Variants in OR4M1 observed in about 807,000 individuals in gnomAD.
The protein encoded by OR4M1 is olfactory receptor family 4 subfamily M member 1.
Under a neutral mutation model 9.8 loss-of-function variants are expected in OR4M1, and 7 were observed. The observed-to-expected ratio is 0.71, with a 90% CI of 0.41 to 1.34. The LOEUF is 1.34. Among genes scored for constraint, OR4M1 ranks in the 40% most tolerant of loss-of-function variants. The pLI is 0.01. For missense variants in OR4M1, 331 were observed against 380.4 expected (o/e 0.87, Z 1.08); for synonymous variants, 121 against 139.8 (o/e 0.87, Z 0.95).
At position 19,781,715 on chromosome 14, in the gene OR4M1, A is replaced by G. The variant is rs758229541; in HGVS notation, c.*451A>G. The G allele has an allele frequency of 6.0e-6, 1 of 167,884 alleles. No homozygotes were observed. The highest frequency in any genetic ancestry group is 1.3e-5 in the Non-Finnish European group (1 of 78,032). 10.4% of individuals were successfully genotyped at this position (167,884 alleles called of 1,614,324 possible). Reference sequence around the variant, plus strand: ...TTCAGTGTTGGCTCAGTGGAATGGTATCTGGTAAACATCTTGCTGGGTCTG... The same window carrying G: ...TTCAGTGTTGGCTCAGTGGAATGGTGTCTGGTAAACATCTTGCTGGGTCTG... On this transcript the variant is annotated 3_prime_UTR_variant, in exon 2 of 2. Coordinates refer to ENST00000641200, the MANE Select transcript of OR4M1 (RefSeq NM_001005500.2).
At position 19,780,847 on chromosome 14, in the gene OR4M1, C is replaced by CA. The variant is rs1878467541; in HGVS notation, c.526dup (p.Ser176LysfsTer5). On this transcript the variant is annotated frameshift_variant, in exon 2 of 2. Coordinates refer to ENST00000641200, the MANE Select transcript of OR4M1 (RefSeq NM_001005500.2). LOFTEE classifies it low-confidence loss of function (END_TRUNC). The stretch of plus-strand genomic sequence containing the variant: ...CTTTCTGTGGGCCCAATGAGTTAGA[C>CA]AGTTACTTCTGTGACATCACACAGG... 1 of 1,614,106 alleles carries CA rather than the reference C, an allele frequency of 6.2e-7. No individual in the cohort carries two copies. The highest frequency in any genetic ancestry group is 1.7e-5 in the Admixed American group (1 of 60,008).
In OR4M1 at chr14:19,781,421, T is replaced by C. The variant is rs1442094616; in HGVS notation, c.*157T>C. On this transcript the variant is annotated 3_prime_UTR_variant, in exon 2 of 2. Coordinates refer to ENST00000641200, the MANE Select transcript of OR4M1 (RefSeq NM_001005500.2). ...TTAATTCCTCTTTATATTGAAAAAA[T>C]AGAGGCATTAAGATGAAAATAAATT... The C allele has an allele frequency of 6.9e-6, 5 of 723,518 alleles. No individual in the cohort carries two copies. The highest frequency in any genetic ancestry group is 5.4e-5 in the African/African-American group (3 of 55,326). 44.8% of individuals were successfully genotyped at this position (723,518 alleles called of 1,614,324 possible).
intron 1 of OR4M1, among the ~76,000 whole-genome samples, chr14:19,776,645 G>C (rs549689880): frequency 3.2e-4 from 49 of 152,258 alleles, no homozygotes; most frequent in Middle Eastern, 3.4e-3. Flanking sequence ...AATGCCCTAA[G>C]TCAATCTTCA....
chr14:19,776,668 C>T (rs1389447610), intron 1 of OR4M1, among the ~76,000 whole-genome samples: 4 of 152,272 alleles, frequency 2.6e-5, no homozygotes, highest in South Asian at 4.1e-4. Flanking sequence ...AGTGGCTTAT[C>T]TCCCCCAAGA....
At chr14:19,776,340 C>T (rs1388195190) in intron 1 of OR4M1, among the ~76,000 whole-genome samples, 34 of 152,186 alleles carry the variant, frequency 2.2e-4, no homozygotes, top group Non-Finnish European at 2.2e-4. Context: ...CACGCAGATT[C>T]TTGTTTTCCC....
chr14:19,776,654 C>T (rs1308525946), intron 1 of OR4M1, among the ~76,000 whole-genome samples: 1 of 152,176 alleles, frequency 6.6e-6, no homozygotes, highest in Non-Finnish European at 1.5e-5. Context: ...AGTCAATCTT[C>T]ATGAGTGGCT....
At chr14:19,779,716 C>T (rs1286995794) in intron 1 of OR4M1, among the ~76,000 whole-genome samples, 5 of 152,226 alleles carry the variant, frequency 3.3e-5, no homozygotes, top group Admixed American at 2.6e-4. Context: ...TATGTTGTGG[C>T]TGGTTACCTG....
chr14:19,783,585 C>T lies in OR4M1; in HGVS notation c.*2321C>T, dbSNP rs537203645. On this transcript the variant is annotated 3_prime_UTR_variant, in exon 2 of 2. Coordinates refer to ENST00000641200, the MANE Select transcript of OR4M1 (RefSeq NM_001005500.2). ...GCTCAGTATCCTCAGCAATCACATA[C>T]AAAATATGCCTCAGGACTCCTTTTC... is the stretch of plus-strand genomic sequence containing the variant. The T allele has an allele frequency of 1.7e-4, 25 of 150,492 alleles. No individual in the cohort carries two copies. The highest frequency in any genetic ancestry group is 6.0e-4 in the African/African-American group (24 of 39,734). The allele number at this position is 150,492 out of a possible 1,614,324, so 9.3% of individuals were successfully genotyped here.
chr14:19,777,007 C>CATATAT (rs71431978), intron 1 of OR4M1, among the ~76,000 whole-genome samples: 1,329 of 45,324 alleles, frequency 0.029, 12 homozygotes, highest in Non-Finnish European at 0.035. Flanking sequence ...TTGTTTAAGC[C>CATATAT]ATATATATAT....
Position 19,782,692 on chromosome 14 carries a change from T to G in OR4M1, c.*1428T>G, listed in dbSNP as rs976193051. ...GGAATTTTTCCTTATGGTGACCTTC[T>G]TCGATCTTCAATGCTACGTTACTTC... On this transcript the variant is annotated 3_prime_UTR_variant, in exon 2 of 2. Coordinates refer to ENST00000641200, the MANE Select transcript of OR4M1 (RefSeq NM_001005500.2). 2 of 152,238 alleles carry G rather than the reference T, an allele frequency of 1.3e-5. No homozygotes were observed. Among genetic ancestry groups the G allele is most frequent in the African/African-American group, 4.8e-5 (2 of 41,470 alleles). The allele number at this position is 152,238 out of a possible 1,614,324, so 9.4% of individuals were successfully genotyped here.
In OR4M1 at chr14:19,783,359, A is replaced by T. The variant is rs1878560227; in HGVS notation, c.*2095A>T. 6.6e-6 allele frequency: 1 copy of T among 152,470 alleles called. No individual in the cohort carries two copies. Among genetic ancestry groups the T allele is most frequent in the South Asian group, 2.1e-4 (1 of 4,836 alleles). 9.4% of individuals were successfully genotyped at this position (152,470 alleles called of 1,614,324 possible). On this transcript the variant is annotated 3_prime_UTR_variant, in exon 2 of 2. Coordinates refer to ENST00000641200, the MANE Select transcript of OR4M1 (RefSeq NM_001005500.2). ...GCATCTTGTACTATTTAGACATCTT[A>T]CAATGCACAGGACAGCCCCCAGCCC...
intron 1 of OR4M1, among the ~76,000 whole-genome samples, chr14:19,776,326 A>G (rs547209194): frequency 2.0e-5 from 3 of 152,350 alleles, no homozygotes; most frequent in Admixed American, 6.5e-5. Flanking sequence ...CATGACCTCA[A>G]CATCACGCAG....
In OR4M1 at chr14:19,780,804, C is replaced by T. The variant is rs1468933884; in HGVS notation, c.482C>T (p.Ala161Val). ...GGFIHSIIQV[A>V]LIVRLPFCGP... is the part of the protein sequence containing the mutation. ...TTCATTCATTCTATAATACAGGTGG[C>T]TCTCATTGTTCGACTTCCTTTCTGT... The change falls in exon 2 of 2, where the codon GCT (alanine) becomes GTT (valine). Residue 161 changes from alanine (A) to valine (V), a missense_variant. Ala to Val is a moderately conservative substitution (Grantham distance 64). Around this residue, in one of 2 missense-constraint regions of OR4M1, gnomAD observed 209 missense variants for 200.0 expected, o/e 1.04. Coordinates refer to ENST00000641200, the MANE Select transcript of OR4M1 (RefSeq NM_001005500.2). The T allele has an allele frequency of 9.9e-6, 16 of 1,614,106 alleles. No individual in the cohort carries two copies. Among genetic ancestry groups the T allele is most frequent in the Non-Finnish European group, 1.3e-5 (15 of 1,180,046 alleles).
At chr14:19,775,822 A>G (rs1220086641) in intron 1 of OR4M1, among the ~76,000 whole-genome samples, 1 of 146,168 alleles carries the variant, frequency 6.8e-6, no homozygotes, top group East Asian at 1.9e-4. Flanking sequence ...ATAATAATAA[A>G]GTATATTAAA....
At chr14:19,777,187 A>G (rs1387528505) in intron 1 of OR4M1, among the ~76,000 whole-genome samples, 4 of 151,468 alleles carry the variant, frequency 2.6e-5, no homozygotes, top group African/African-American at 9.7e-5. Flanking sequence ...AAAATTGGAA[A>G]TCCAATTTTA....
chr14:19,774,868 T>C (rs548502485), intron 1 of OR4M1, among the ~76,000 whole-genome samples: 11 of 152,334 alleles, frequency 7.2e-5, no homozygotes, highest in African/African-American at 2.2e-4. Context: ...CTAGTAAGTG[T>C]TCAGCTGTGG....
chr14:19,783,447 C>T lies in OR4M1; in HGVS notation c.*2183C>T, dbSNP rs1222050753. ...TAGTGCCGAGAATGAAGAACTCCAT[C>T]AGGTTGAGAAACTCTGACTTAAATA... On this transcript the variant is annotated 3_prime_UTR_variant, in exon 2 of 2. Coordinates refer to ENST00000641200, the MANE Select transcript of OR4M1 (RefSeq NM_001005500.2). 1 of 152,614 alleles carries T rather than the reference C, an allele frequency of 6.6e-6. No individual in the cohort carries two copies. The highest frequency in any genetic ancestry group is 2.4e-5 in the African/African-American group (1 of 41,476). The allele number at this position is 152,614 out of a possible 1,614,324, so 9.5% of individuals were successfully genotyped here. A position where few individuals can be genotyped will look rare whatever the true frequency, so the allele number is the denominator to read the frequency against.
Position 19,780,667 on chromosome 14 carries a change from C to G in OR4M1, c.345C>G (p.Leu115=), listed in dbSNP as rs138166254. 35 of 1,614,110 alleles carry G rather than the reference C, an allele frequency of 2.2e-5. No homozygotes were observed. Among genetic ancestry groups the G allele is most frequent in the Non-Finnish European group, 3.0e-5 (35 of 1,180,052 alleles). Reference sequence around the variant, plus strand: ...TTGGGGCTTCGGAGATGTTCTTGCTCACAGTGATGGCCTATGACCGCTATG... The same window carrying G: ...TTGGGGCTTCGGAGATGTTCTTGCTGACAGTGATGGCCTATGACCGCTATG... ...HFVGASEMFL[L]TVMAYDRYAA... is the part of the protein sequence containing the mutation. Residue 115 remains leucine (L), a synonymous_variant, in exon 2 of 2, where the codon CTC becomes CTG. Coordinates refer to ENST00000641200, the MANE Select transcript of OR4M1 (RefSeq NM_001005500.2).
At chr14:19,779,270 T>C (rs769869064) in intron 1 of OR4M1, among the ~76,000 whole-genome samples, 16 of 152,336 alleles carry the variant, frequency 1.1e-4, no homozygotes, top group Non-Finnish European at 1.6e-4. Flanking sequence ...TATTTAATTT[T>C]TTAAGCAATA....
Sources: gnomAD v4.1 joint callset for allele counts (sites outside exome capture counted in the v4.1 genomes callset) on GRCh38, gnomAD v4.1.1 for gene constraint, gnomAD v4.1.1 regional missense constraint, MANE v1.5 for transcripts, NCBI Gene and HGNC (gene_info 2026-07-23, HGNC 2026-07-21) for gene names.